SMIM13: variants seen among roughly 807,000 people sequenced by gnomAD.
SMIM13 encodes the protein small integral membrane protein 13, also known as UPF0766 protein C6orf228.
SMIM13 carries 3 observed loss-of-function variants against 5.9 expected under a neutral mutation model. The ratio of observed to expected loss-of-function variants is 0.51; its 90% CI spans 0.23 to 1.31. The LOEUF (loss-of-function observed/expected upper bound fraction) is 1.31, where lower values mean the gene tolerates loss of function less well. SMIM13 is among the 40% of genes most tolerant of loss of function. SMIM13 has a pLI of 0.18. For missense variants in SMIM13, 85 were observed against 109.9 expected (o/e 0.77, Z 1.01); for synonymous variants, 55 against 46.0 (o/e 1.19, Z -0.79).
intron 1 of SMIM13, among the ~76,000 whole-genome samples, chr6:11,102,298 T>A (rs1364217711): frequency 6.6e-6 from 1 of 152,200 alleles, no homozygotes; most frequent in Non-Finnish European, 1.5e-5. Context: ...AAAGATTAAA[T>A]TTGGTTTTAG....
chr6:11,109,407 G>A (rs1212369203), intron 1 of SMIM13, among the ~76,000 whole-genome samples: 1 of 152,168 alleles, frequency 6.6e-6, no homozygotes, highest in East Asian at 1.9e-4. Context: ...ATGGCCCTGG[G>A]TAGGGAGGAG....
rs1397525673 is a variant in SMIM13, at chr6:11,094,353, G to T, written c.40G>T (p.Ala14Ser). The change falls in exon 1 of 2, where the codon GCC (alanine) becomes TCC (serine). Residue 14 changes from alanine to serine, a missense_variant. Physicochemically the swap from Ala to Ser is moderately conservative, Grantham distance 99 (BLOSUM62 1). Transcript: ENST00000416247. ...SVGLTLLVFV[A>S]TLLIVLLLMV... ...CGGGCTGACTCTGCTTGTGTTCGTG[G>T]CCACGCTGCTGATCGTCCTGCTGCT... The T allele has an allele frequency of 6.5e-7, 1 of 1,536,962 alleles. No individual in the cohort carries two copies. The highest frequency in any genetic ancestry group is 2.4e-5 in the East Asian group (1 of 40,868).
chr6:11,101,316 GT>G (rs1757988357), intron 1 of SMIM13, among the ~76,000 whole-genome samples: 1 of 152,166 alleles, frequency 6.6e-6, no homozygotes, highest in South Asian at 2.1e-4. Flanking sequence ...TGCTAGCTGT[GT>G]GGCTTGAGGA....
At chr6:11,101,308 C>T (rs542476031) in intron 1 of SMIM13, among the ~76,000 whole-genome samples, 208 of 152,310 alleles carry the variant, frequency 1.4e-3, no homozygotes, top group African/African-American at 4.8e-3. Flanking sequence ...TTGCCGCTTG[C>T]TAGCTGTGTG....
intron 1 of SMIM13, among the ~76,000 whole-genome samples, chr6:11,099,390 G>T (rs1041246222): frequency 6.6e-6 from 1 of 152,092 alleles, no homozygotes; most frequent in Admixed American, 6.6e-5. Flanking sequence ...GGCCAGGATG[G>T]TCTCAATCTC....
chr6:11,104,973 A>G (rs1420490603), intron 1 of SMIM13: 7 of 1,614,092 alleles, frequency 4.3e-6, no homozygotes, highest in South Asian at 1.1e-5. Context: ...ATTAGTAAAG[A>G]TGGGTCCGAA....
chr6:11,120,396 C>G (rs967344492), intron 1 of SMIM13, among the ~76,000 whole-genome samples: 15 of 152,140 alleles, frequency 9.9e-5, no homozygotes, highest in African/African-American at 3.1e-4. Context: ...CTTCCTGGTT[C>G]ATAGATGTCT....
intron 1 of SMIM13, chr6:11,102,498 TA>T (rs1305303694): frequency 2.0e-5 from 3 of 152,218 alleles, no homozygotes; most frequent in Non-Finnish European, 2.9e-5. Flanking sequence ...ATTAGCATTT[TA>T]GAGAGTTTAT....
intron 1 of SMIM13, among the ~76,000 whole-genome samples, chr6:11,101,261 T>C (rs1451018839): frequency 6.6e-6 from 1 of 152,234 alleles, no homozygotes; most frequent in Non-Finnish European, 1.5e-5. Context: ...GGACCTGGGC[T>C]GATCTGTGAC....
chr6:11,104,557 G>T (rs769386245), intron 1 of SMIM13: 31 of 1,601,748 alleles, frequency 1.9e-5, no homozygotes, highest in Non-Finnish European at 2.6e-5. Context: ...TGGACGCAGG[G>T]TGTTTGGCTC....
At chr6:11,128,148 T>C (rs941570437) in intron 1 of SMIM13, among the ~76,000 whole-genome samples, 3 of 152,172 alleles carry the variant, frequency 2.0e-5, no homozygotes, top group African/African-American at 7.2e-5. Flanking sequence ...CCAACATGGC[T>C]CTGAGTCTCA....
At chr6:11,097,560 C>T (rs909758554) in intron 1 of SMIM13, among the ~76,000 whole-genome samples, 1 of 151,114 alleles carries the variant, frequency 6.6e-6, no homozygotes, top group Non-Finnish European at 1.5e-5. Context: ...CCCAGCTGCT[C>T]AGGAGGTTGA....
intron 1 of SMIM13, chr6:11,105,027 G>T: frequency 1.2e-6 from 2 of 1,614,194 alleles, no homozygotes; most frequent in South Asian, 2.2e-5. Context: ...TTGCTTTACT[G>T]TTGAAAGAAG....
chr6:11,100,436 G>A (rs1757976028), intron 1 of SMIM13, among the ~76,000 whole-genome samples: 1 of 152,108 alleles, frequency 6.6e-6, no homozygotes, highest in African/African-American at 2.4e-5. Context: ...TTTCCCACGT[G>A]TTCAAATGGA....
intron 1 of SMIM13, among the ~76,000 whole-genome samples, chr6:11,098,307 A>C (rs1757950425): frequency 6.6e-6 from 1 of 152,210 alleles, no homozygotes; most frequent in African/African-American, 2.4e-5. Flanking sequence ...CTGTTGTCAA[A>C]GTCAGTAACA....
At chr6:11,128,528 G>C (rs996917304) in intron 1 of SMIM13, among the ~76,000 whole-genome samples, 9 of 152,138 alleles carry the variant, frequency 5.9e-5, no homozygotes, top group African/African-American at 1.9e-4. Flanking sequence ...TGCCCCAGGT[G>C]GTGTCTCACT....
intron 1 of SMIM13, among the ~76,000 whole-genome samples, 165 bp downstream of exon 1, chr6:11,094,554 G>T (rs1447436823): frequency 6.6e-6 from 1 of 152,148 alleles, no homozygotes; most frequent in African/African-American, 2.4e-5. Flanking sequence ...CGCAGAGGTG[G>T]GCCCTTTACT....
intron 1 of SMIM13, among the ~76,000 whole-genome samples, chr6:11,117,216 T>G (rs1380429360): frequency 2.1e-5 from 3 of 144,218 alleles, no homozygotes; most frequent in African/African-American, 2.6e-5. Flanking sequence ...CAGGCTGGAG[T>G]GCAGTGGCGG....
chr6:11,104,513 G>A (rs1758052805), intron 1 of SMIM13: 7 of 1,563,184 alleles, frequency 4.5e-6, no homozygotes, highest in Non-Finnish European at 6.1e-6. Context: ...ATATGCCCAG[G>A]TAGCTGGTGG....
Sources: gnomAD v4.1 joint callset for allele counts (sites outside exome capture counted in the v4.1 genomes callset) on GRCh38, gnomAD v4.1.1 for gene constraint, MANE v1.5 for transcripts, NCBI Gene and HGNC (gene_info 2026-07-23, HGNC 2026-07-21) for gene names.